The following NPAS2 variants were observed in gnomAD, a reference collection of about 807,000 sequenced individuals.
NPAS2 encodes neuronal PAS domain protein 2.
Under a neutral mutation model 107.5 loss-of-function variants are expected in NPAS2, and 23 were observed. The ratio of observed to expected loss-of-function variants is 0.21; its 90% CI spans 0.15 to 0.30. NPAS2 has a LOEUF of 0.30. NPAS2 is among the 10% of genes least tolerant of loss of function. The probability of loss-of-function intolerance (pLI) is 1.00; values close to 1 mark genes in which losing one functional copy is unlikely to be tolerated. For missense variants in NPAS2, 756 were observed against 1,043.3 expected (o/e 0.72, Z 3.79); for synonymous variants, 403 against 417.5 (o/e 0.97, Z 0.42).
chr2:100,931,753 G>T (rs1683976477), intron 3 of NPAS2, among the ~76,000 whole-genome samples: 1 of 152,030 alleles, frequency 6.6e-6, no homozygotes, highest in South Asian at 2.1e-4. Context: ...CAAACTGCTG[G>T]GATTACAGGC....
At chr2:100,902,187 C>T (rs1231448672) in intron 1 of NPAS2, among the ~76,000 whole-genome samples, 1 of 152,168 alleles carries the variant, frequency 6.6e-6, no homozygotes, top group Middle Eastern at 3.2e-3. Context: ...CAGAGGACTG[C>T]TTTTCTTCCC....
At chr2:100,971,755 C>G (rs980302242) in intron 12 of NPAS2, among the ~76,000 whole-genome samples, 3 of 152,082 alleles carry the variant, frequency 2.0e-5, no homozygotes, top group African/African-American at 7.2e-5. Flanking sequence ...TGTCCCTGGT[C>G]CTGGTCCATC....
rs918080232 is a variant in NPAS2, at chr2:100,820,824, CGTCGGGCGTCCTGGACCCCCGGAGA to C, written c.-23+413_-23+437del. On this transcript the variant is annotated intron_variant, in intron 1 of 20. Coordinates refer to ENST00000335681, the MANE Select transcript of NPAS2 (RefSeq NM_002518.4). The surrounding 1 kb of genome is among the most constrained non-coding windows in gnomAD (Gnocchi z 5.6). ...AGACCCATCGCGCTACCCTCCGAAA[CGTCGGGCGTCCTGGACCCCCGGAGA>C]GTGCGGCGTGCGCGCCCTGGGCCCG... Among the ~76,000 whole-genome samples the C allele has an allele frequency of 6.6e-6, 1 of 152,164 alleles. No individual in the cohort carries two copies. The highest frequency in any genetic ancestry group is 2.4e-5 in the African/African-American group (1 of 41,462).
chr2:100,819,837 C>T (rs980079753), upstream of NPAS2, among the ~76,000 whole-genome samples: 1 of 151,976 alleles, frequency 6.6e-6, no homozygotes, highest in African/African-American at 2.4e-5. This position sits in a 1 kb window ranked among gnomAD's most constrained non-coding sequence, Gnocchi z 5.8. Context: ...CCCTGCGCCC[C>T]AGGCCCGACC....
intron 15 of NPAS2, among the ~76,000 whole-genome samples, chr2:100,979,044 G>T (rs772459341): frequency 2.6e-5 from 4 of 152,178 alleles, no homozygotes; most frequent in Non-Finnish European, 4.4e-5. Context: ...CTCTGTCTTG[G>T]CACACATCTG....
Position 100,935,159 on chromosome 2 carries a change from G to T in NPAS2, c.273+2158G>T, listed in dbSNP as rs893702344. 4 of 934,254 alleles carry T rather than the reference G, an allele frequency of 4.3e-6. No homozygotes were observed. The African/African-American group carries it at 7.1e-5, about 17-fold the overall frequency. The allele number at this position is 934,254 out of a possible 1,614,324, so 57.9% of individuals were successfully genotyped here. A position where few individuals can be genotyped will look rare whatever the true frequency, so the allele number is the denominator to read the frequency against. Reference sequence around the variant, plus strand: ...AAAGTATCAGCTGGCAAAGACTGTGGCTACCAGCATTGGAGCAGTTGCACT... The same window carrying T: ...AAAGTATCAGCTGGCAAAGACTGTGTCTACCAGCATTGGAGCAGTTGCACT... On this transcript the variant is annotated intron_variant, in intron 4 of 20. Transcript: ENST00000335681.
At chr2:100,948,129 AT>A (rs1310325158) in intron 5 of NPAS2, 105 bp from the exon 6 acceptor site, 1 of 1,305,030 alleles carries the variant, frequency 7.7e-7, no homozygotes, top group Non-Finnish European at 1.1e-6. Flanking sequence ...TGAACTTTCC[AT>A]TTCAGAAACC....
chr2:100,954,058 C>T lies in NPAS2; in HGVS notation c.598+4578C>T, dbSNP rs189402961. Among the ~76,000 whole-genome samples, 9 of 152,186 alleles carry T rather than the reference C, an allele frequency of 5.9e-5. No individual in the cohort carries two copies. The South Asian group carries it at 1.7e-3, about 28-fold the overall frequency. ...GGGGTTGGTCAGGAGGCCGAGGGAA[C>T]CTTTATTGTCGATTCCAAGAGAAAG... On this transcript the variant is annotated intron_variant, in intron 7 of 20. Coordinates refer to ENST00000335681, the MANE Select transcript of NPAS2 (RefSeq NM_002518.4).
At chr2:100,933,307 G>A (rs1684088891) in intron 4 of NPAS2, among the ~76,000 whole-genome samples, 1 of 152,198 alleles carries the variant, frequency 6.6e-6, no homozygotes, top group South Asian at 2.1e-4. Context: ...TAGGTAGAGA[G>A]AGGAGAAGGA....
rs771178726 is a variant in NPAS2, at chr2:100,964,848, G to C, written c.718-13G>C. On this transcript the variant is annotated splice_polypyrimidine_tract_variant and intron_variant, in intron 8 of 20. Transcript: ENST00000335681. ...CCCAAGCAACTTTTTTTTTTTTTCT[G>C]CTTCCAATACAGGAAATGTGCATAG... is the stretch of plus-strand genomic sequence containing the variant. 2.0e-6 allele frequency: 3 copies of C among 1,516,996 alleles called. No homozygotes were observed. The highest frequency in any genetic ancestry group is 2.6e-6 in the Non-Finnish European group (3 of 1,135,112). The allele number at this position is 1,516,996 out of a possible 1,614,324, so 94.0% of individuals were successfully genotyped here. A position where few individuals can be genotyped will look rare whatever the true frequency, so the allele number is the denominator to read the frequency against.
At chr2:100,933,507 G>A (rs1200909366) in intron 4 of NPAS2, among the ~76,000 whole-genome samples, 1 of 152,152 alleles carries the variant, frequency 6.6e-6, no homozygotes, top group Admixed American at 6.5e-5. Flanking sequence ...CAGGGATCCC[G>A]TGCCTCCCCA....
chr2:100,883,327 A>C (rs1680494839), intron 1 of NPAS2, among the ~76,000 whole-genome samples: 1 of 152,160 alleles, frequency 6.6e-6, no homozygotes, highest in South Asian at 2.1e-4. Context: ...GGTGCAGGCA[A>C]GGTTGCTGGG....
At chr2:100,905,257 A>G (rs1035561742) in intron 2 of NPAS2, among the ~76,000 whole-genome samples, 1 of 152,116 alleles carries the variant, frequency 6.6e-6, no homozygotes, top group Admixed American at 6.5e-5. Context: ...GCACTTTTGT[A>G]TACATAGATT....
chr2:100,824,052 G>A (rs1305218331), intron 1 of NPAS2, among the ~76,000 whole-genome samples: 1 of 152,212 alleles, frequency 6.6e-6, no homozygotes, highest in Non-Finnish European at 1.5e-5. Flanking sequence ...CAAGTTTGTA[G>A]AATTACCAGT....
intron 1 of NPAS2, among the ~76,000 whole-genome samples, chr2:100,871,269 T>G (rs1209741763): frequency 2.0e-5 from 3 of 152,162 alleles, no homozygotes; most frequent in Non-Finnish European, 4.4e-5. Flanking sequence ...CAAAGAGTTT[T>G]TCAGCCTGGC....
intron 1 of NPAS2, among the ~76,000 whole-genome samples, chr2:100,855,509 G>A (rs1055609051): frequency 1.3e-5 from 2 of 152,196 alleles, no homozygotes; most frequent in African/African-American, 4.8e-5. Context: ...CGAGTTGCTT[G>A]TCTGTGTTCT....
At chr2:100,875,461 T>TAC (rs56331462) in intron 1 of NPAS2, among the ~76,000 whole-genome samples, 4,227 of 143,590 alleles carry the variant, frequency 0.029, 76 homozygotes, top group East Asian at 0.11. Context: ...ATTAAAAGCT[T>TAC]ACACACACAC....
chr2:100,870,351 C>T (rs1679506374), intron 1 of NPAS2, among the ~76,000 whole-genome samples: 1 of 152,148 alleles, frequency 6.6e-6, no homozygotes, highest in South Asian at 2.1e-4. Context: ...CCAAGGGGCC[C>T]CATCTTTTTT....
intron 5 of NPAS2, 139 bp from the exon 6 acceptor site, chr2:100,948,096 A>T (rs1675011986): frequency 1.1e-6 from 1 of 880,356 alleles, no homozygotes; most frequent in Non-Finnish European, 1.8e-6. Context: ...ATAAACTGAG[A>T]GTGTCCACAG....
Sources: gnomAD v4.1 joint callset for allele counts (sites outside exome capture counted in the v4.1 genomes callset) on GRCh38, gnomAD v4.1.1 for gene constraint, Gnocchi (gnomAD v3.1) non-coding constraint, MANE v1.5 for transcripts, NCBI Gene and HGNC (gene_info 2026-07-23, HGNC 2026-07-21) for gene names.